TUBG2: variants seen among roughly 807,000 people sequenced by gnomAD.
TUBG2 encodes tubulin gamma 2, also known as tubulin gamma-2 chain.
In TUBG2, 39 loss-of-function variants were observed where a neutral mutation model predicts 55.1. The ratio of observed to expected loss-of-function variants is 0.71; its 90% CI spans 0.55 to 0.93. TUBG2 has a LOEUF of 0.93. TUBG2 is among the 40% of genes least tolerant of loss of function. The pLI is 0.00. For synonymous variants in TUBG2, 223 were observed against 241.0 expected (o/e 0.93, Z 0.69); for missense variants, 358 against 599.1 (o/e 0.60, Z 4.20).
rs530135524 is a variant in TUBG2, at chr17:42,659,713, G to A, written c.50-121G>A. 6 of 1,409,168 alleles carry A rather than the reference G, an allele frequency of 4.3e-6. No individual in the cohort carries two copies. In the East Asian group the frequency reaches 1.5e-4, roughly 34 times the overall value. 87.3% of individuals were successfully genotyped at this position (1,409,168 alleles called of 1,614,324 possible). On this transcript the variant is annotated intron_variant, in intron 1 of 10. Transcript: ENST00000251412. ...AGCTGCGCCTCCAGCCCGGGGCTGG[G>A]GCAGCTACCAAACCCAGGCATCTTG...
chr17:42,666,812 A>G lies in TUBG2; in HGVS notation c.*12A>G. ...CCCAGGAGCAGTGATTTCCCTCCCCACTACTCCTTCTCCTTCTAGATGGTA... is the reference window on the plus strand; with the variant it reads ...CCCAGGAGCAGTGATTTCCCTCCCCGCTACTCCTTCTCCTTCTAGATGGTA... On this transcript the variant is annotated 3_prime_UTR_variant, in exon 11 of 11. Transcript: ENST00000251412. 2 of 1,613,478 alleles carry G rather than the reference A, an allele frequency of 1.2e-6. No homozygotes were observed. Among genetic ancestry groups the G allele is most frequent in the Non-Finnish European group, 1.7e-6 (2 of 1,179,772 alleles).
Position 42,663,482 on chromosome 17 carries a change from G to A in TUBG2, c.585G>A (p.Leu195=), listed in dbSNP as rs1567947254. ...PYNSLLTLKR[L]TQNADCVVVL... ...ATTCACTCCTGACACTCAAGAGGCT[G>A]ACGCAGAACGCAGATTGTGTGGTGA... is the stretch of plus-strand genomic sequence containing the variant. The change falls in exon 6 of 11, where the codon CTG becomes CTA. Residue 195 remains leucine (L), a synonymous_variant. Coordinates refer to ENST00000251412, the MANE Select transcript of TUBG2 (RefSeq NM_016437.3). 6.2e-7 allele frequency: 1 copy of A among 1,614,120 alleles called. No individual in the cohort carries two copies. The highest frequency in any genetic ancestry group is 8.5e-7 in the Non-Finnish European group (1 of 1,179,972).
intron 10 of TUBG2, 52 bp downstream of exon 10, chr17:42,666,536 T>G (rs755170889): frequency 1.2e-6 from 2 of 1,613,636 alleles, no homozygotes; most frequent in East Asian, 4.5e-5. Context: ...CTGGCCACCT[T>G]CATCATCTTC....
Position 42,660,201 on chromosome 17 carries a change from G to A in TUBG2, c.215G>A (p.Arg72Gln). The change falls in exon 3 of 11, where the codon CGG becomes CAG. Residue 72 changes from arginine (R) to glutamine (Q), a missense_variant. Around this residue, in one of 8 missense-constraint regions of TUBG2, gnomAD observed 32 missense variants for 115.1 expected, o/e 0.28. Transcript: ENST00000251412. ...GCCGTGCTGCTGGACTTGGAACCCC[G>A]GGTGATCCACTCCATCCTCAACTCC... Reference protein sequence around the residue: ...PRAVLLDLEPRVIHSILNSPY... With the variant: ...PRAVLLDLEPQVIHSILNSPY... The A allele has an allele frequency of 1.2e-6, 2 of 1,611,322 alleles. No homozygotes were observed. The highest frequency in any genetic ancestry group is 8.5e-7 in the Non-Finnish European group (1 of 1,178,460).
Position 42,663,377 on chromosome 17 carries a change from G to A in TUBG2, c.480G>A (p.Arg160=), listed in dbSNP as rs905989699. ...GSYLLERLND[R]YPKKLVQTYS... ...ATGCCACCATCCTCTTTTCTCTCAG[G>A]TACCCCAAGAAGCTAGTGCAGACTT... The change falls in exon 6 of 11, where the codon AGG becomes AGA. Residue 160 remains arginine (R), a splice_region_variant and synonymous_variant. Transcript: ENST00000251412. 3.1e-6 allele frequency: 5 copies of A among 1,613,914 alleles called. No homozygotes were observed. The highest frequency in any genetic ancestry group is 2.2e-5 in the East Asian group (1 of 44,886).
At chr17:42,665,905 C>A in intron 8 of TUBG2, 78 bp downstream of exon 8, 5 of 1,601,886 alleles carry the variant, frequency 3.1e-6, no homozygotes, top group African/African-American at 2.7e-5. Flanking sequence ...CTCTCTTCCC[C>A]ACTGCCCCAG....
chr17:42,660,793 T>C, intron 4 of TUBG2, 86 bp downstream of exon 4: 1 of 1,134,714 alleles, frequency 8.8e-7, no homozygotes, highest in Middle Eastern at 1.9e-4. Context: ...ATAGGTAATA[T>C]GAGGGGAGCA....
At chr17:42,660,867 C>T in intron 4 of TUBG2, 160 bp downstream of exon 4, 1 of 630,788 alleles carries the variant, frequency 1.6e-6, no homozygotes, top group Non-Finnish European at 2.9e-6. Context: ...AAGATATAAT[C>T]TTTGTTCTCA....
Position 42,663,001 on chromosome 17 carries a change from G to A in TUBG2, c.428G>A (p.Gly143Glu). The A allele has an allele frequency of 6.2e-7, 1 of 1,614,120 alleles. No individual in the cohort carries two copies. Residue 143 changes from glycine to glutamate, a missense_variant, in exon 5 of 11, where the codon GGG (glycine) becomes GAG (glutamate). Coordinates refer to ENST00000251412, the MANE Select transcript of TUBG2 (RefSeq NM_016437.3). ...TTCGTGCTGTGTCACTCCATCGCTG[G>A]GGGTACGGGTTCTGGCCTGGGCTCC... ...EGFVLCHSIAGGTGSGLGSYL... is the reference protein window; with the variant it reads ...EGFVLCHSIAEGTGSGLGSYL...
intron 6 of TUBG2, 94 bp downstream of exon 6, chr17:42,663,597 C>G: frequency 6.6e-7 from 1 of 1,503,954 alleles, no homozygotes; most frequent in Non-Finnish European, 9.0e-7. Context: ...TGCTTGAGCT[C>G]AGGAGTTCAA....
chr17:42,665,904 C>T, intron 8 of TUBG2, 77 bp downstream of exon 8: 2 of 1,602,102 alleles, frequency 1.2e-6, no homozygotes, highest in Non-Finnish European at 1.7e-6. Context: ...TCTCTCTTCC[C>T]CACTGCCCCA....
At chr17:42,665,342 C>T (rs184288830) in intron 6 of TUBG2, 134 bp from the exon 7 acceptor site, 1,773 of 1,382,182 alleles carry the variant, frequency 1.3e-3, no homozygotes, top group Non-Finnish European at 1.6e-3. Flanking sequence ...CCACCGCGCC[C>T]GGCCTCAGTA....
rs190638381 is a variant in TUBG2, at chr17:42,663,889, G to C, written c.606+386G>C. ...ACCTGGGAGGTGGAGGTTGCAAGGA[G>C]CTGAGATTGCAGCATTGCACTCCAG... On this transcript the variant is annotated intron_variant, in intron 6 of 10. Coordinates refer to ENST00000251412, the MANE Select transcript of TUBG2 (RefSeq NM_016437.3). Among the ~76,000 whole-genome samples the C allele has an allele frequency of 5.9e-5, 9 of 151,350 alleles. No individual in the cohort carries two copies. The East Asian group carries it at 1.7e-3, about 29-fold the overall frequency.
Position 42,660,265 on chromosome 17 carries a change from G to A in TUBG2, c.279G>A (p.Leu93=), listed in dbSNP as rs776382005. 11 of 1,613,946 alleles carry A rather than the reference G, an allele frequency of 6.8e-6. No individual in the cohort carries two copies. In the East Asian group the frequency reaches 2.5e-4, roughly 36 times the overall value. Residue 93 remains leucine, a synonymous_variant, in exon 3 of 11, where the codon CTG becomes CTA. Coordinates refer to ENST00000251412, the MANE Select transcript of TUBG2 (RefSeq NM_016437.3). ...AKLYNPENIY[L]SEHGGGAGNN... is the part of the protein sequence containing the mutation. ...TCTACAACCCAGAGAACATCTACCT[G>A]TCGGAACATGGAGGAGGAGCTGGCA...
At chr17:42,665,411 G>C in intron 6 of TUBG2, 65 bp from the exon 7 acceptor site, 1 of 1,611,764 alleles carries the variant, frequency 6.2e-7, no homozygotes, top group South Asian at 1.1e-5. Flanking sequence ...CAGGGGCTAA[G>C]CCAATATCTT....
At chr17:42,666,572 C>T (rs781595774) in intron 10 of TUBG2, 31 bp from the exon 11 acceptor site, 2 of 1,614,070 alleles carry the variant, frequency 1.2e-6, no homozygotes, top group Non-Finnish European at 1.7e-6. Context: ...AACCCCCTGG[C>T]TCGCATTTTG....
intron 4 of TUBG2, 108 bp from the exon 5 acceptor site, chr17:42,662,865 G>A (rs2052420041): frequency 1.9e-6 from 2 of 1,040,206 alleles, no homozygotes; most frequent in African/African-American, 3.2e-5. Context: ...CTGTAGAATT[G>A]ACTGCTTACC....
intron 1 of TUBG2, 22 bp from the exon 2 acceptor site, chr17:42,659,812 G>T: frequency 6.2e-7 from 1 of 1,614,010 alleles, no homozygotes; most frequent in Non-Finnish European, 8.5e-7. Flanking sequence ...CAGCAGACCC[G>T]GGCATCTCCC....
chr17:42,662,750 C>A lies in TUBG2; in HGVS notation c.400-223C>A, dbSNP rs73301673. ...TAAGATGGGATTATGTCCTGATAAA[C>A]CCATCATAAAGCCAAAACATCTTAA... On this transcript the variant is annotated intron_variant, in intron 4 of 10. Transcript: ENST00000251412. Among the ~76,000 whole-genome samples, 1,426 of 152,246 alleles carry A rather than the reference C, an allele frequency of 9.4e-3. 34 individuals are homozygous for A. The highest frequency in any genetic ancestry group is 0.033 in the African/African-American group (1,352 of 41,522).
Sources: allele counts gnomAD v4.1 joint callset (sites outside exome capture counted in the v4.1 genomes callset), GRCh38; gene constraint gnomAD v4.1.1; regional missense constraint gnomAD v4.1.1; transcripts MANE v1.5; gene names NCBI Gene and HGNC (gene_info 2026-07-23, HGNC 2026-07-21).